AK5: variants seen among roughly 807,000 people sequenced by gnomAD.
The protein encoded by AK5 is adenylate kinase 5, also known as adenylate kinase isoenzyme 5.
In AK5, 27 loss-of-function variants were observed where a neutral mutation model predicts 69.5. The ratio of observed to expected loss-of-function variants is 0.39; its 90% CI spans 0.29 to 0.54. AK5 has a LOEUF of 0.54. AK5 is among the 20% of genes least tolerant of loss of function. AK5 has a pLI of 0.71. For synonymous variants in AK5, 260 were observed against 244.4 expected, an observed-to-expected ratio of 1.06 and a Z score of -0.60; for missense variants, 531 against 700.4, an observed-to-expected ratio of 0.76 and a Z score of 2.73.
At chr1:77,331,116 A>G (rs1052304692) in intron 5 of AK5, among the ~76,000 whole-genome samples, 1 of 152,032 alleles carries the variant, frequency 6.6e-6, no homozygotes, top group Non-Finnish European at 1.5e-5. Context: ...GCATATTCTA[A>G]TAGTTTTAAA....
chr1:77,412,505 C>G (rs1409202785), intron 7 of AK5, among the ~76,000 whole-genome samples: 3 of 152,192 alleles, frequency 2.0e-5, no homozygotes, highest in African/African-American at 7.2e-5. Flanking sequence ...TTTGTTTTCT[C>G]TAAAACAGCC....
chr1:77,376,444 A>C (rs757782275), intron 6 of AK5, among the ~76,000 whole-genome samples: 61 of 120,004 alleles, frequency 5.1e-4, no homozygotes, highest in Middle Eastern at 4.1e-3. Context: ...AAAAAAAAAA[A>C]AAAAAACAAA....
chr1:77,409,436 G>C (rs889708911), intron 6 of AK5, among the ~76,000 whole-genome samples: 1 of 152,036 alleles, frequency 6.6e-6, no homozygotes, highest in African/African-American at 2.4e-5. Context: ...CATTCTGATT[G>C]CTATGAGATG....
intron 8 of AK5, among the ~76,000 whole-genome samples, chr1:77,475,434 TGTATATATATTATATATATACA>T (rs1557620132): frequency 0.015 from 58 of 3,960 alleles, 4 homozygotes; most frequent in South Asian, 0.1. Flanking sequence ...ATTATATATA[TGTATATATATTATATATATACA>T]AATATATATT....
At chr1:77,452,706 A>G (rs570323798) in intron 8 of AK5, among the ~76,000 whole-genome samples, 1 of 152,360 alleles carries the variant, frequency 6.6e-6, no homozygotes, top group African/African-American at 2.4e-5. Flanking sequence ...TCAGCCAAGC[A>G]TAGATAGAAC....
At chr1:77,399,206 C>A (rs537396249) in intron 6 of AK5, among the ~76,000 whole-genome samples, 2 of 152,296 alleles carry the variant, frequency 1.3e-5, no homozygotes, top group Admixed American at 1.3e-4. Flanking sequence ...ATGATCTGGA[C>A]ATTGGTCAAG....
At chr1:77,353,913 AC>A (rs1252380171) in intron 6 of AK5, among the ~76,000 whole-genome samples, 2 of 152,294 alleles carry the variant, frequency 1.3e-5, no homozygotes, top group East Asian at 3.9e-4. Context: ...ATTGCATCTG[AC>A]CATTGTAATG....
At chr1:77,459,015 A>T (rs1012771771) in intron 8 of AK5, among the ~76,000 whole-genome samples, 8 of 152,156 alleles carry the variant, frequency 5.3e-5, no homozygotes, top group Admixed American at 4.6e-4. Context: ...CTCACTGCAC[A>T]GGGAGTTGGT....
chr1:77,454,952 T>A (rs1653382727), intron 8 of AK5, among the ~76,000 whole-genome samples: 1 of 152,252 alleles, frequency 6.6e-6, no homozygotes, highest in Non-Finnish European at 1.5e-5. Context: ...TTTCCTTTTT[T>A]GCTCTATGAT....
intron 8 of AK5, among the ~76,000 whole-genome samples, chr1:77,475,347 TA>T (rs1390259353): frequency 7.9e-6 from 1 of 127,280 alleles, no homozygotes; most frequent in Non-Finnish European, 1.6e-5. Context: ...TGTATATATA[TA>T]CATATATATT....
At chr1:77,535,298 G>C (rs1479121135) in intron 12 of AK5, among the ~76,000 whole-genome samples, 1 of 152,200 alleles carries the variant, frequency 6.6e-6, no homozygotes, top group African/African-American at 2.4e-5. Context: ...AGTAAAGTGA[G>C]ATAACGAATT....
intron 8 of AK5, among the ~76,000 whole-genome samples, chr1:77,451,945 A>G (rs1246602312): frequency 1.3e-5 from 2 of 152,174 alleles, no homozygotes; most frequent in African/African-American, 4.8e-5. Flanking sequence ...TGCCCGCCAG[A>G]TTGTGAGTTC....
At chr1:77,319,868 A>G (rs1445198802) in intron 5 of AK5, among the ~76,000 whole-genome samples, 1 of 152,244 alleles carries the variant, frequency 6.6e-6, no homozygotes, top group African/African-American at 2.4e-5. Flanking sequence ...GATTATGTGT[A>G]CAAGTGTGCC....
At chr1:77,362,973 C>T (rs568176899) in intron 6 of AK5, among the ~76,000 whole-genome samples, 1 of 152,214 alleles carries the variant, frequency 6.6e-6, no homozygotes, top group Non-Finnish European at 1.5e-5. Flanking sequence ...TAATCACTTC[C>T]TTGGTGATCT....
At chr1:77,510,913 A>G (rs189972740) in intron 10 of AK5, among the ~76,000 whole-genome samples, 215 of 151,170 alleles carry the variant, frequency 1.4e-3, no homozygotes, top group African/African-American at 4.7e-3. Context: ...CTGTACATAC[A>G]TATGCTTTAT....
intron 5 of AK5, chr1:77,314,968 T>C (rs1467795438): frequency 6.6e-6 from 1 of 152,114 alleles, no homozygotes; most frequent in Non-Finnish European, 1.5e-5. Flanking sequence ...TTGTACTTTG[T>C]CCTGGAAACA....
At chr1:77,445,866 T>C (rs1652719048) in intron 8 of AK5, among the ~76,000 whole-genome samples, 1 of 152,254 alleles carries the variant, frequency 6.6e-6, no homozygotes, top group African/African-American at 2.4e-5. Flanking sequence ...ATTGCAGCCC[T>C]GAGCCACCAC....
Position 77,424,526 on chromosome 1 carries a change from A to G in AK5, c.1059+6811A>G, listed in dbSNP as rs548677806. 2.6e-5 allele frequency among the ~76,000 whole-genome samples: 4 copies of G among 152,340 alleles called. No homozygotes were observed. In the East Asian group the frequency reaches 7.7e-4, roughly 29 times the overall value. On this transcript the variant is annotated intron_variant, in intron 8 of 13. Transcript: ENST00000354567. ...CAAGGACTTTAATGATAATAAATAG[A>G]CAACATGCAAGAACAAATGGATAAT...
chr1:77,467,839 G>C (rs1340922589), intron 8 of AK5, among the ~76,000 whole-genome samples: 1 of 152,218 alleles, frequency 6.6e-6, no homozygotes, highest in East Asian at 1.9e-4. Flanking sequence ...CCTCTCTCAA[G>C]GTGGACTGGT....
Sources: gnomAD v4.1 joint callset for allele counts (sites outside exome capture counted in the v4.1 genomes callset) on GRCh38, gnomAD v4.1.1 for gene constraint, MANE v1.5 for transcripts, NCBI Gene and HGNC (gene_info 2026-07-23, HGNC 2026-07-21) for gene names.